The following MYLK variants were observed in gnomAD, a reference collection of about 807,000 sequenced individuals.
MYLK encodes the protein myosin light chain kinase, smooth muscle.
In MYLK, 106 loss-of-function variants were observed where a neutral mutation model predicts 203.4. The observed-to-expected ratio is 0.52, with a 90% CI of 0.45 to 0.61. MYLK has a LOEUF of 0.61. Among genes scored for constraint, MYLK ranks in the 20% least tolerant of loss-of-function variants. MYLK has a pLI of 0.00. For synonymous variants in MYLK, 867 were observed against 959.5 expected (o/e 0.90, Z 1.78); for missense variants, 2,072 against 2,442.3 (o/e 0.85, Z 3.20).
chr3:123,705,905 T>A (rs2061443731), intron 16 of MYLK, among the ~76,000 whole-genome samples: 1 of 152,218 alleles, frequency 6.6e-6, no homozygotes, highest in Admixed American at 6.5e-5. Flanking sequence ...ACTGACGAGA[T>A]CATCAGCAGG....
chr3:123,813,439 A>G (rs1386024992), intron 3 of MYLK, among the ~76,000 whole-genome samples: 1 of 152,078 alleles, frequency 6.6e-6, no homozygotes, highest in Non-Finnish European at 1.5e-5. Flanking sequence ...GTATTCATCT[A>G]CAACACCTGG....
intron 2 of MYLK, among the ~76,000 whole-genome samples, chr3:123,874,537 A>G (rs897216356): frequency 6.6e-6 from 1 of 152,168 alleles, no homozygotes; most frequent in Non-Finnish European, 1.5e-5. Context: ...AACGTCTTGA[A>G]GAAAGCACTG....
At chr3:123,690,348 A>T (rs1477394159) in intron 19 of MYLK, among the ~76,000 whole-genome samples, 1 of 152,228 alleles carries the variant, frequency 6.6e-6, no homozygotes, top group Non-Finnish European at 1.5e-5. Flanking sequence ...TTGACTAAAA[A>T]CTATGGACCC....
intron 10 of MYLK, 115 bp from the exon 11 acceptor site, chr3:123,733,217 G>T: frequency 2.6e-6 from 3 of 1,152,220 alleles, no homozygotes; most frequent in South Asian, 1.3e-5. Context: ...GTGTGGAGCT[G>T]CCCTCCCACC....
chr3:123,878,736 G>A (rs1351904123), intron 1 of MYLK, among the ~76,000 whole-genome samples: 1 of 152,108 alleles, frequency 6.6e-6, no homozygotes, highest in African/African-American at 2.4e-5. Flanking sequence ...TGCCTAGGCT[G>A]GAGTGCAGTG....
intron 23 of MYLK, among the ~76,000 whole-genome samples, chr3:123,661,885 G>A (rs1183435715): frequency 6.6e-6 from 1 of 152,190 alleles, no homozygotes. Context: ...AGTCGGGCCA[G>A]GGTGTGGAAC....
chr3:123,816,620 TAAAAG>T (rs2109268762), intron 3 of MYLK, among the ~76,000 whole-genome samples: 2 of 152,228 alleles, frequency 1.3e-5, no homozygotes, highest in South Asian at 4.1e-4. Flanking sequence ...CATTTGTACA[TAAAAG>T]AGAGGGAAAA....
intron 3 of MYLK, among the ~76,000 whole-genome samples, chr3:123,827,232 A>T (rs953384720): frequency 6.6e-6 from 1 of 152,230 alleles, no homozygotes; most frequent in African/African-American, 2.4e-5. Flanking sequence ...AAATCAATTA[A>T]TGCAATAAAA....
At chr3:123,821,035 A>C (rs80078555) in intron 3 of MYLK, among the ~76,000 whole-genome samples, 29,509 of 152,028 alleles carry the variant, frequency 0.19, 3,097 homozygotes, top group Non-Finnish European at 0.23. Context: ...GGCTGAGCTA[A>C]CAGTGATTTT....
chr3:123,817,647 A>T (rs1366578940), intron 3 of MYLK, among the ~76,000 whole-genome samples: 1 of 152,210 alleles, frequency 6.6e-6, no homozygotes, highest in Non-Finnish European at 1.5e-5. Flanking sequence ...CAAACTGGGC[A>T]ACAGTGGGCC....
At position 123,649,060 on chromosome 3, in the gene MYLK, C is replaced by T; in HGVS notation, c.4326G>A (p.Glu1442=). The T allele has an allele frequency of 1.9e-6, 3 of 1,614,214 alleles. No homozygotes were observed. Among genetic ancestry groups the T allele is most frequent in the South Asian group, 1.1e-5 (1 of 91,070 alleles). Residue 1442 remains glutamate (E), a synonymous_variant, in exon 26 of 34, where the codon GAG becomes GAA. Coordinates refer to ENST00000360304, the MANE Select transcript of MYLK (RefSeq NM_053025.4). ...TCCGGTAATCAACCTCGGGCTCCTT[C>T]TCATCTGTGGGGCACAGGTCAGGGT... ...KDEVEVSDDD[E]KEPEVDYRTV...
intron 20 of MYLK, chr3:123,681,954 C>A (rs752646707): frequency 8.8e-5 from 45 of 509,072 alleles, no homozygotes; most frequent in Non-Finnish European, 1.6e-4. Flanking sequence ...GGAGGTTGGG[C>A]AGGGGAGGTA....
Position 123,703,382 on chromosome 3 carries a change from T to C in MYLK, c.2391-1873A>G, listed in dbSNP as rs2061327240. Among the ~76,000 whole-genome samples, 4 of 152,332 alleles carry C rather than the reference T, an allele frequency of 2.6e-5. 1 individual carries two copies. The highest frequency in any genetic ancestry group is 2.0e-4 in the Admixed American group (3 of 15,302). The stretch of plus-strand genomic sequence containing the variant: ...CTCGTGCTGTCCCAGGCTGTGCTGG[T>C]GCAGGTGCCTTCCTGACTGCCTTAG... On this transcript the variant is annotated intron_variant, in intron 16 of 33. Transcript: ENST00000360304.
chr3:123,761,024 G>A (rs77486872), intron 4 of MYLK, among the ~76,000 whole-genome samples: 12,461 of 152,160 alleles, frequency 0.082, 1,603 homozygotes, highest in African/African-American at 0.27. Flanking sequence ...ATGGGTGAGT[G>A]TCAGGAAATA....
chr3:123,855,761 G>T (rs1659281064), intron 2 of MYLK, among the ~76,000 whole-genome samples: 1 of 152,080 alleles, frequency 6.6e-6, no homozygotes. Context: ...TCATCACTTT[G>T]CCAAAGCCTC....
rs573114701 is a variant in MYLK, at chr3:123,620,675, C to T, written c.5239-339G>A. Reference sequence around the variant, plus strand: ...TATATAAAGCAACTGCAGGCTGAGACAGCTCCAAAGACTTATTGCTGACTG... The same window carrying T: ...TATATAAAGCAACTGCAGGCTGAGATAGCTCCAAAGACTTATTGCTGACTG... On this transcript the variant is annotated intron_variant, in intron 31 of 33. Transcript: ENST00000360304. 7.4e-6 allele frequency: 8 copies of T among 1,088,276 alleles called. No individual in the cohort carries two copies. The East Asian group carries it at 4.2e-4, about 57-fold the overall frequency. The allele number at this position is 1,088,276 out of a possible 1,614,324, so 67.4% of individuals were successfully genotyped here. A position where few individuals can be genotyped will look rare whatever the true frequency, so the allele number is the denominator to read the frequency against.
chr3:123,831,559 CTGT>C lies in MYLK; in HGVS notation c.-18_-16del. On this transcript the variant is annotated 5_prime_UTR_variant, in exon 3 of 34. Coordinates refer to ENST00000360304, the MANE Select transcript of MYLK (RefSeq NM_053025.4). ...CTCTGTTCACTCACCACCGTCTTCT[CTGT>C]TGTTTGTTGTGGCAACTGGGCCAGT... 1 of 538,778 alleles carries C rather than the reference CTGT, an allele frequency of 1.9e-6. No individual in the cohort carries two copies. Among genetic ancestry groups the C allele is most frequent in the Non-Finnish European group, 2.7e-6 (1 of 375,022 alleles). 33.4% of individuals were successfully genotyped at this position (538,778 alleles called of 1,614,324 possible). A position where few individuals can be genotyped will look rare whatever the true frequency, so the allele number is the denominator to read the frequency against.
At chr3:123,731,102 A>G (rs535954693) in intron 11 of MYLK, among the ~76,000 whole-genome samples, 18 of 152,138 alleles carry the variant, frequency 1.2e-4, no homozygotes, top group Non-Finnish European at 2.4e-4. Context: ...ACCTGACACC[A>G]TATTTCTGTC....
intron 19 of MYLK, among the ~76,000 whole-genome samples, chr3:123,685,567 T>C (rs1282296050): frequency 2.1e-5 from 3 of 141,720 alleles, no homozygotes; most frequent in African/African-American, 8.1e-5. Context: ...TCATGCCACT[T>C]AACTCCAGCA....
Sources: allele counts gnomAD v4.1 joint callset (sites outside exome capture counted in the v4.1 genomes callset), GRCh38; gene constraint gnomAD v4.1.1; transcripts MANE v1.5; gene names NCBI Gene and HGNC (gene_info 2026-07-23, HGNC 2026-07-21).